RAB11FIP3: variants seen among roughly 807,000 people sequenced by gnomAD.
RAB11FIP3 encodes the protein rab11 family-interacting protein 3.
Under a neutral mutation model 77.8 loss-of-function variants are expected in RAB11FIP3, and 17 were observed. The observed-to-expected ratio is 0.22, with a 90% CI of 0.15 to 0.33. RAB11FIP3 has a LOEUF of 0.33. Among genes scored for constraint, RAB11FIP3 ranks in the 10% least tolerant of loss-of-function variants. The probability of loss-of-function intolerance (pLI) is 1.00; values close to 1 mark genes in which losing one functional copy is unlikely to be tolerated. For synonymous variants in RAB11FIP3, 437 were observed against 448.2 expected (o/e 0.98, Z 0.31); for missense variants, 1,005 against 1,011.2 (o/e 0.99, Z 0.08).
intron 1 of RAB11FIP3, chr16:453,254 T>C (rs563197436): frequency 2.0e-5 from 3 of 151,596 alleles, no homozygotes; most frequent in Admixed American, 6.6e-5. Flanking sequence ...TTTTGTATTT[T>C]TAGTAGAGAC....
chr16:467,482 G>C (rs1398387611), intron 2 of RAB11FIP3, among the ~76,000 whole-genome samples: 516 of 139,238 alleles, frequency 3.7e-3, no homozygotes, highest in African/African-American at 0.012. Context: ...GTGCTGGGAC[G>C]TCAGGGAGGA....
intron 1 of RAB11FIP3, among the ~76,000 whole-genome samples, chr16:448,488 G>A (rs1252586409): frequency 6.6e-6 from 1 of 152,098 alleles, no homozygotes; most frequent in Non-Finnish European, 1.5e-5. Flanking sequence ...TGTAATCCCA[G>A]CACTTTGGGA....
chr16:474,974 G>A (rs957043155), intron 3 of RAB11FIP3: 166 of 1,551,368 alleles, frequency 1.1e-4, no homozygotes, highest in Non-Finnish European at 2.0e-5. Context: ...TGTTGTTTGA[G>A]AAAAGCCAGT....
chr16:515,516 C>T lies in RAB11FIP3; in HGVS notation c.1641-3427C>T, dbSNP rs57566238. Among the ~76,000 whole-genome samples, 1,045 of 151,560 alleles carry T rather than the reference C, an allele frequency of 6.9e-3. 9 individuals are homozygous for T. The highest frequency in any genetic ancestry group is 0.024 in the African/African-American group (994 of 41,344). On this transcript the variant is annotated intron_variant, in intron 9 of 13. Coordinates refer to ENST00000262305, the MANE Select transcript of RAB11FIP3 (RefSeq NM_014700.4). ...ACCGGGGTTCGCATCTCGGAGCAGCCACACGGGCGACACGCACCGGTGTTT... is the reference window on the plus strand; with the variant it reads ...ACCGGGGTTCGCATCTCGGAGCAGCTACACGGGCGACACGCACCGGTGTTT...
chr16:467,982 T>A (rs373084461), intron 2 of RAB11FIP3, among the ~76,000 whole-genome samples: 26 of 49,582 alleles, frequency 5.2e-4, no homozygotes, highest in Non-Finnish European at 5.3e-4. Flanking sequence ...GAGGAGGTGC[T>A]GGGGCCTCAG....
chr16:445,992 GAC>G (rs2055310157), intron 1 of RAB11FIP3, among the ~76,000 whole-genome samples: 1 of 152,138 alleles, frequency 6.6e-6, no homozygotes, highest in African/African-American at 2.4e-5. Context: ...AAGTGTTCTA[GAC>G]ACAGAGACGA....
chr16:463,757 T>C (rs2055657338), intron 2 of RAB11FIP3, among the ~76,000 whole-genome samples: 1 of 152,168 alleles, frequency 6.6e-6, no homozygotes, highest in Non-Finnish European at 1.5e-5. Context: ...TTTGTTACTC[T>C]TTATTTGACT....
At position 493,973 on chromosome 16, in the gene RAB11FIP3, G is replaced by A. The variant is rs970460684; in HGVS notation, c.1266-2851G>A. On this transcript the variant is annotated intron_variant, in intron 5 of 13. Coordinates refer to ENST00000262305, the MANE Select transcript of RAB11FIP3 (RefSeq NM_014700.4). ...GGCTGGAGTGCGGTGGTGCGATCTC[G>A]GCTCACTGCAACCTCTGCCTCCCGG... Among the ~76,000 whole-genome samples the A allele has an allele frequency of 1.4e-4, 19 of 137,856 alleles. 1 individual carries two copies. The highest frequency in any genetic ancestry group is 2.9e-4 in the Admixed American group (4 of 13,606). 90.4% of individuals were successfully genotyped at this position (137,856 alleles called of 152,430 possible).
chr16:426,796 C>T lies in RAB11FIP3; in HGVS notation c.714+76C>T. The T allele has an allele frequency of 1.6e-6, 2 of 1,228,658 alleles. No homozygotes were observed. The highest frequency in any genetic ancestry group is 2.2e-6 in the Non-Finnish European group (2 of 909,678). 76.1% of individuals were successfully genotyped at this position (1,228,658 alleles called of 1,614,324 possible). The stretch of plus-strand genomic sequence containing the variant: ...CCGGCGGGGTTGATGTGGGACCGGT[C>T]GACGCTGCCCCTGGAGTCGGGAAAG... On this transcript the variant is annotated intron_variant, in intron 1 of 13. Transcript: ENST00000262305. This position sits in a 1 kb window ranked among gnomAD's most constrained non-coding sequence, Gnocchi z 5.0.
intron 6 of RAB11FIP3, among the ~76,000 whole-genome samples, chr16:498,347 T>G (rs2031291530): frequency 6.6e-6 from 1 of 152,060 alleles, no homozygotes; most frequent in Non-Finnish European, 1.5e-5. Context: ...GCTAGTCTTT[T>G]AATTTTTAAT....
chr16:493,501 G>A (rs887517102), intron 5 of RAB11FIP3, among the ~76,000 whole-genome samples: 6 of 152,192 alleles, frequency 3.9e-5, no homozygotes, highest in South Asian at 2.1e-4. Context: ...ATGTCCAGTC[G>A]CCTCAGAACA....
chr16:436,008 A>G (rs892334878), intron 1 of RAB11FIP3, among the ~76,000 whole-genome samples: 16 of 152,252 alleles, frequency 1.1e-4, no homozygotes, highest in African/African-American at 3.6e-4. Flanking sequence ...TTGGAGAAGG[A>G]AAAAAAGAGA....
At chr16:509,932 G>A (rs900241753) in intron 8 of RAB11FIP3, among the ~76,000 whole-genome samples, 2 of 152,252 alleles carry the variant, frequency 1.3e-5, no homozygotes, top group African/African-American at 4.8e-5. Flanking sequence ...AGCACACTCA[G>A]TTCTCTGGTG....
At chr16:432,995 T>C (rs2055063149) in intron 1 of RAB11FIP3, among the ~76,000 whole-genome samples, 1 of 142,910 alleles carries the variant, frequency 7.0e-6, no homozygotes, top group Non-Finnish European at 1.5e-5. Flanking sequence ...ACTGTAATGA[T>C]CAAGTTGGGG....
Position 510,734 on chromosome 16 carries a change from G to A in RAB11FIP3, c.1574G>A (p.Arg525His), listed in dbSNP as rs141366917. 2.3e-4 allele frequency: 365 copies of A among 1,613,272 alleles called. No homozygotes were observed. The highest frequency in any genetic ancestry group is 2.1e-3 in the African/African-American group (158 of 75,010). ...GAGATGGTCCTGGAAGAGACCCGGCGTCAGAAGGAGCTCCTGTGCAAGATG... is the reference window on the plus strand; with the variant it reads ...GAGATGGTCCTGGAAGAGACCCGGCATCAGAAGGAGCTCCTGTGCAAGATG... ...ACEMVLEETR[R>H]QKELLCKMER... The change falls in exon 9 of 14, where the codon CGT becomes CAT. Residue 525 changes from arginine to histidine, a missense_variant. Arg to His is a conservative substitution (Grantham distance 29). This residue lies in a region of RAB11FIP3 where 433 missense variants were observed against 436.1 expected (regional missense o/e 0.99). Transcript: ENST00000262305.
intron 9 of RAB11FIP3, among the ~76,000 whole-genome samples, chr16:518,360 C>T (rs146282661): frequency 6.6e-5 from 10 of 152,152 alleles, no homozygotes; most frequent in Non-Finnish European, 1.5e-4. Flanking sequence ...GGATTACAGG[C>T]GTAAGCCACT....
chr16:520,872 G>T lies in RAB11FIP3; in HGVS notation c.*33G>T. On this transcript the variant is annotated 3_prime_UTR_variant, in exon 14 of 14. Transcript: ENST00000262305. ...AAGGTCCAGCCTGAGCTGGATTCGG[G>T]ACTCCAACACCCTGGAGTGGTTCCG... 1 of 1,565,204 alleles carries T rather than the reference G, an allele frequency of 6.4e-7. No homozygotes were observed. Among genetic ancestry groups the T allele is most frequent in the African/African-American group, 1.4e-5 (1 of 73,928 alleles).
intron 1 of RAB11FIP3, among the ~76,000 whole-genome samples, chr16:434,113 A>G (rs2055087291): frequency 6.6e-6 from 1 of 152,008 alleles, no homozygotes; most frequent in Non-Finnish European, 1.5e-5. Context: ...ATGTATATTT[A>G]TTTATTTAAA....
intron 1 of RAB11FIP3, chr16:451,631 TCAAGAC>T (rs2055409965): frequency 6.6e-6 from 1 of 151,584 alleles, no homozygotes; most frequent in Admixed American, 6.6e-5. Context: ...GGTCAGGAGT[TCAAGAC>T]CAGCTGGCCA....
Sources: gnomAD v4.1 joint callset for allele counts (sites outside exome capture counted in the v4.1 genomes callset) on GRCh38, gnomAD v4.1.1 for gene constraint, gnomAD v4.1.1 regional missense constraint, Gnocchi (gnomAD v3.1) non-coding constraint, MANE v1.5 for transcripts, NCBI Gene and HGNC (gene_info 2026-07-23, HGNC 2026-07-21) for gene names.